HEPH: variants seen among roughly 807,000 people sequenced by gnomAD.
The protein encoded by HEPH is hephaestin.
HEPH carries 69 observed loss-of-function variants against 80.8 expected under a neutral mutation model. The ratio of observed to expected loss-of-function variants is 0.85; its 90% CI spans 0.70 to 1.04. The LOEUF is 1.04. HEPH is among the 50% of genes least tolerant of loss of function. The pLI is 0.00. For missense variants in HEPH, 1,115 were observed against 891.3 expected, an observed-to-expected ratio of 1.25 and a Z score of -3.20; for synonymous variants, 431 against 322.8, an observed-to-expected ratio of 1.34 and a Z score of -3.60.
chrX:66,238,418 T>C (rs1090842), intron 15 of HEPH, among the ~76,000 whole-genome samples: 30,264 of 110,494 alleles, frequency 0.27, 3,974 homozygotes, highest in African/African-American at 0.51. Flanking sequence ...CAATTTATTT[T>C]CTTTAAGAAT....
intron 15 of HEPH, among the ~76,000 whole-genome samples, chrX:66,236,691 G>A (rs922390279): frequency 5.4e-5 from 6 of 111,392 alleles, no homozygotes; most frequent in Non-Finnish European, 1.1e-4. Context: ...AGGAATGGTA[G>A]CAGATCTTTG....
At chrX:66,172,322 G>C in intron 2 of HEPH, 33 bp from the exon 3 acceptor site, 1 of 1,157,501 alleles carries the variant, frequency 8.6e-7, no homozygotes, top group East Asian at 3.0e-5. Flanking sequence ...GAAGATGGGG[G>C]GCAAAATTAT....
chrX:66,188,523 G>T lies in HEPH; in HGVS notation c.790G>T (p.Glu264Ter), dbSNP rs774236400. 1.7e-6 allele frequency: 2 copies of T among 1,208,579 alleles called. No homozygotes were observed. Among genetic ancestry groups the T allele is most frequent in the Middle Eastern group, 4.6e-4 (2 of 4,340 alleles). Residue 264 changes from glutamate (E) to a stop codon, truncating the protein, a stop_gained, in exon 5 of 21, where the codon GAG becomes TAG. Coordinates refer to ENST00000343002, the MANE Select transcript of HEPH (RefSeq NM_001367233.3). LOFTEE classifies it high-confidence loss of function. ...SVDKEDETFQ[E>*]SNRMHAINGF... ...GGACAAAGAAGATGAGACATTTCAG[G>T]AGAGCAATAGGATGCATGGTGAGTT...
intron 4 of HEPH, among the ~76,000 whole-genome samples, chrX:66,179,545 A>T (rs1212993204): frequency 9.0e-6 from 1 of 111,312 alleles, no homozygotes; most frequent in African/African-American, 3.3e-5. Context: ...GCAGTATTGG[A>T]TGAAATATTC....
In HEPH at chrX:66,193,448, G is replaced by C. The variant is rs190259703; in HGVS notation, c.1233-54G>C. On this transcript the variant is annotated intron_variant, in intron 7 of 20. Coordinates refer to ENST00000343002, the MANE Select transcript of HEPH (RefSeq NM_001367233.3). ...CTTGGTGAGACTAAGGGTGAGATGG[G>C]AGTCTATTTGATACCTAATGAAATA... 6.0e-6 allele frequency: 5 copies of C among 827,928 alleles called. No individual in the cohort carries two copies. The South Asian group carries it at 8.3e-5, about 14-fold the overall frequency. The allele number at this position is 827,928 out of a possible 1,213,427, so 68.2% of individuals were successfully genotyped here.
At chrX:66,264,000 G>A (rs1158599621) in intron 20 of HEPH, among the ~76,000 whole-genome samples, 1 of 110,496 alleles carries the variant, frequency 9.1e-6, no homozygotes, top group Non-Finnish European at 1.9e-5. Context: ...GATACTAGTC[G>A]AAAACCAAAT....
At chrX:66,219,306 T>G (rs1390889476) in intron 15 of HEPH, among the ~76,000 whole-genome samples, 1 of 111,984 alleles carries the variant, frequency 8.9e-6, no homozygotes, top group Non-Finnish European at 1.9e-5. Flanking sequence ...CATGCCACAC[T>G]TGCACGGGCA....
intron 15 of HEPH, among the ~76,000 whole-genome samples, chrX:66,246,711 T>C (rs2090823324): frequency 1.8e-5 from 2 of 111,969 alleles, no homozygotes; most frequent in South Asian, 7.5e-4. Context: ...GAGGTTCTTC[T>C]GGCTCTTTGC....
At chrX:66,196,086 G>A (rs1255291136) in intron 9 of HEPH, among the ~76,000 whole-genome samples, 1 of 111,295 alleles carries the variant, frequency 9.0e-6, no homozygotes, top group Non-Finnish European at 1.9e-5. Flanking sequence ...GATTCTGCTT[G>A]TAAAAATAGC....
intron 15 of HEPH, among the ~76,000 whole-genome samples, chrX:66,212,714 AG>A (rs948131261): frequency 9.0e-6 from 1 of 111,714 alleles, no homozygotes; most frequent in African/African-American, 3.2e-5. Context: ...TGATTACCAT[AG>A]CCTTTTAATA....
chrX:66,251,017 G>T (rs866740525), intron 15 of HEPH, among the ~76,000 whole-genome samples: 1 of 111,676 alleles, frequency 9.0e-6, no homozygotes, highest in Non-Finnish European at 1.9e-5. Flanking sequence ...CCGAGTAGCT[G>T]GGATTACAGG....
intron 15 of HEPH, among the ~76,000 whole-genome samples, chrX:66,229,846 A>T (rs1386868298): frequency 9.1e-6 from 1 of 109,364 alleles, no homozygotes; most frequent in Non-Finnish European, 1.9e-5. Context: ...ACATATATAT[A>T]CATGTGCCAT....
chrX:66,207,002 A>T (rs1223085872), intron 13 of HEPH, among the ~76,000 whole-genome samples, 193 bp from the exon 14 acceptor site: 4 of 109,058 alleles, frequency 3.7e-5, no homozygotes, highest in Non-Finnish European at 7.6e-5. Flanking sequence ...GGGCAACAAG[A>T]GCGAAACTCC....
chrX:66,263,037 G>A (rs755905530), intron 19 of HEPH, among the ~76,000 whole-genome samples: 1 of 111,023 alleles, frequency 9.0e-6, no homozygotes, highest in Non-Finnish European at 1.9e-5. Context: ...GGAATTGAGG[G>A]AGAGGAAGAC....
chrX:66,188,330 C>A, intron 4 of HEPH, 29 bp from the exon 5 acceptor site: 3 of 1,127,402 alleles, frequency 2.7e-6, no homozygotes, highest in Non-Finnish European at 3.6e-6. Context: ...AAAGGATCTT[C>A]TCAAGGGAAA....
intron 16 of HEPH, 72 bp from the exon 17 acceptor site, chrX:66,256,033 C>A (rs932405412): frequency 3.8e-6 from 3 of 780,636 alleles, no homozygotes; most frequent in African/African-American, 4.2e-5. Flanking sequence ...GAGAAGCTGG[C>A]TCCCTGCGGA....
At chrX:66,190,747 G>T (rs2147706042) in intron 6 of HEPH, among the ~76,000 whole-genome samples, 1 of 111,823 alleles carries the variant, frequency 8.9e-6, no homozygotes, top group Non-Finnish European at 1.9e-5. Flanking sequence ...GTTAGGAGTT[G>T]TAGACTAATA....
chrX:66,179,198 A>C (rs1304666939), intron 4 of HEPH, among the ~76,000 whole-genome samples: 1 of 112,293 alleles, frequency 8.9e-6, no homozygotes, highest in Non-Finnish European at 1.9e-5. Flanking sequence ...TTTATTAAAC[A>C]GGGAATCCTT....
At chrX:66,265,687 G>T (rs1479819806) in intron 20 of HEPH, among the ~76,000 whole-genome samples, 4 of 111,816 alleles carry the variant, frequency 3.6e-5, no homozygotes, top group Non-Finnish European at 7.5e-5. Flanking sequence ...AAGGAGTAAA[G>T]TGTGTTCAGA....
Sources: gnomAD v4.1 joint callset for allele counts (sites outside exome capture counted in the v4.1 genomes callset) on GRCh38, gnomAD v4.1.1 for gene constraint, MANE v1.5 for transcripts, NCBI Gene and HGNC (gene_info 2026-07-23, HGNC 2026-07-21) for gene names.